The following ATAD2 variants were observed in gnomAD, a reference collection of about 807,000 sequenced individuals.
ATAD2 encodes ATPase family AAA domain containing 2.
In ATAD2, 62 loss-of-function variants were observed where a neutral mutation model predicts 168.9. The ratio of observed to expected loss-of-function variants is 0.37; its 90% CI spans 0.30 to 0.45. ATAD2 has a LOEUF of 0.45. ATAD2 is among the 20% of genes least tolerant of loss of function. The pLI, the probability that ATAD2 is intolerant of heterozygous loss-of-function variation, is 1.00. For missense variants in ATAD2, 1,419 were observed against 1,667.8 expected (o/e 0.85, Z 2.60); for synonymous variants, 613 against 571.6 (o/e 1.07, Z -1.03).
At chr8:123,382,062 A>C (rs1009631684) in intron 1 of ATAD2, among the ~76,000 whole-genome samples, 8 of 152,154 alleles carry the variant, frequency 5.3e-5, no homozygotes, top group African/African-American at 1.9e-4. Flanking sequence ...ACAAACAAAC[A>C]AACCAAAGAT....
At chr8:123,359,168 G>A in intron 11 of ATAD2, 53 bp downstream of exon 11, 1 of 1,347,232 alleles carries the variant, frequency 7.4e-7, no homozygotes, top group Non-Finnish European at 1.0e-6. Context: ...AGAACTACAA[G>A]AAGCAAGAAT....
chr8:123,380,896 T>C (rs1257884834), intron 1 of ATAD2: 24 of 509,110 alleles, frequency 4.7e-5, no homozygotes, highest in Non-Finnish European at 7.6e-5. Flanking sequence ...TAAGATTTAC[T>C]GGTTTATAGT....
Position 123,320,056 on chromosome 8 carries a change from G to T in ATAD2, c.*1078C>A, listed in dbSNP as rs1827426653. On this transcript the variant is annotated 3_prime_UTR_variant, in exon 28 of 28. Coordinates refer to ENST00000287394, the MANE Select transcript of ATAD2 (RefSeq NM_014109.4). ...ACATAAGATAGTATGTACTAATTAA[G>T]GTATTGAATTCACTGGGTTTTAGAA... 1 of 151,924 alleles carries T rather than the reference G, an allele frequency of 6.6e-6. No homozygotes were observed. Among genetic ancestry groups the T allele is most frequent in the African/African-American group, 2.4e-5 (1 of 41,358 alleles). 9.4% of individuals were successfully genotyped at this position (151,924 alleles called of 1,614,324 possible).
upstream of ATAD2, chr8:123,401,056 C>T (rs532404748): frequency 1.9e-4 from 298 of 1,572,054 alleles, no homozygotes; most frequent in Non-Finnish European, 2.2e-4. Context: ...CGTCACTTCC[C>T]GAGACATCGA....
intron 24 of ATAD2, among the ~76,000 whole-genome samples, chr8:123,332,845 C>CAT (rs926792665): frequency 1.9e-4 from 7 of 36,044 alleles, no homozygotes; most frequent in African/African-American, 2.5e-4. Flanking sequence ...AGCCAATTTC[C>CAT]ATATATATAT....
chr8:123,326,600 C>T (rs1002600600), intron 25 of ATAD2, among the ~76,000 whole-genome samples: 1 of 151,970 alleles, frequency 6.6e-6, no homozygotes, highest in South Asian at 2.1e-4. Context: ...ATCGTTTGAG[C>T]CGAGGAGGCA....
In ATAD2 at chr8:123,334,207, C is replaced by T; in HGVS notation, c.3327G>A (p.Lys1109=). The T allele has an allele frequency of 6.3e-7, 1 of 1,581,722 alleles. No homozygotes were observed. The highest frequency in any genetic ancestry group is 1.2e-5 in the South Asian group (1 of 84,424). ...ACCAAATCACTTTCCTACCTCTTTTCTTTCTAGATTCCTGAATTTCTTCAC... is the reference window on the plus strand; with the variant it reads ...ACCAAATCACTTTCCTACCTCTTTTTTTTCTAGATTCCTGAATTTCTTCAC... ...QLCEEIQESR[K]KRGCSSSKYA... Residue 1109 remains lysine (K), a synonymous_variant, in exon 23 of 28, where the codon AAG becomes AAA. Transcript: ENST00000287394.
chr8:123,378,960 T>C (rs1220591001), intron 2 of ATAD2, among the ~76,000 whole-genome samples: 5 of 151,772 alleles, frequency 3.3e-5, no homozygotes, highest in South Asian at 4.1e-4. Flanking sequence ...CCCAGATAAT[T>C]TTTTTATTTT....
intron 24 of ATAD2, among the ~76,000 whole-genome samples, chr8:123,331,460 A>T (rs1425152503): frequency 6.7e-6 from 1 of 149,236 alleles, no homozygotes; most frequent in Non-Finnish European, 1.5e-5. Flanking sequence ...GGCTTGTCTC[A>T]AACTCTTGAT....
intron 1 of ATAD2, among the ~76,000 whole-genome samples, chr8:123,408,878 A>T (rs1184140421): frequency 1.4e-5 from 2 of 147,678 alleles, no homozygotes; most frequent in East Asian, 4.0e-4. Flanking sequence ...CCCAGGCTGT[A>T]GTGCAGTGGC....
intron 11 of ATAD2, among the ~76,000 whole-genome samples, chr8:123,358,292 TG>T (rs1828709030): frequency 6.6e-6 from 1 of 152,140 alleles, no homozygotes; most frequent in Non-Finnish European, 1.5e-5. Context: ...GCAATCTTCC[TG>T]TCTTAGTCTC....
intron 22 of ATAD2, among the ~76,000 whole-genome samples, chr8:123,335,967 G>A (rs1172906750): frequency 6.6e-6 from 1 of 151,874 alleles, no homozygotes; most frequent in Non-Finnish European, 1.5e-5. Context: ...ATATTATATT[G>A]CTTTTGTAAT....
chr8:123,390,781 C>A (rs1227189713), intron 1 of ATAD2, among the ~76,000 whole-genome samples: 1 of 152,094 alleles, frequency 6.6e-6, no homozygotes, highest in African/African-American at 2.4e-5. Context: ...GCCTGTAATC[C>A]CAGACTTTGG....
intron 1 of ATAD2, among the ~76,000 whole-genome samples, chr8:123,408,819 G>A (rs926340877): frequency 6.6e-6 from 1 of 150,602 alleles, no homozygotes; most frequent in African/African-American, 2.4e-5. Flanking sequence ...GCCCGGCCTG[G>A]AAGATATATT....
At chr8:123,332,005 G>A (rs897506361) in intron 24 of ATAD2, among the ~76,000 whole-genome samples, 7 of 152,150 alleles carry the variant, frequency 4.6e-5, no homozygotes, top group Non-Finnish European at 7.3e-5. Flanking sequence ...TCTCTTGACT[G>A]CAAATGGTGC....
upstream of ATAD2, chr8:123,400,920 C>T (rs1812987531): frequency 7.2e-7 from 1 of 1,397,998 alleles, no homozygotes; most frequent in African/African-American, 1.4e-5. This position sits in a 1 kb window ranked among gnomAD's most constrained non-coding sequence, Gnocchi z 4.5. Context: ...ATGGCTTCAT[C>T]ACGGACCCCA....
At position 123,369,957 on chromosome 8, in the gene ATAD2, A is replaced by G. The variant is rs1245743490; in HGVS notation, c.795T>C (p.Asp265=). The change falls in exon 7 of 28, where the codon GAT becomes GAC. Residue 265 remains aspartate (D), a synonymous_variant. Transcript: ENST00000287394. Reference sequence around the variant, plus strand: ...CATCATCATCATCGTCATCATCATCATCATCTTCATCATCTTCATCTTCAC... The same window carrying G: ...CATCATCATCATCGTCATCATCATCGTCATCTTCATCATCTTCATCTTCAC... ...DDGEDEDDED[D]DDDDDDDDDD... 1.3e-6 allele frequency: 2 copies of G among 1,563,206 alleles called. No individual in the cohort carries two copies. The highest frequency in any genetic ancestry group is 1.8e-6 in the Non-Finnish European group (2 of 1,136,742).
rs1432732835 is a variant in ATAD2, at chr8:123,396,378, G to A, written c.-21C>T. The A allele has an allele frequency of 3.2e-6, 5 of 1,548,386 alleles. No individual in the cohort carries two copies. Among genetic ancestry groups the A allele is most frequent in the Non-Finnish European group, 4.4e-6 (5 of 1,147,946 alleles). On this transcript the variant is annotated 5_prime_UTR_variant, in exon 1 of 28. Transcript: ENST00000287394. The stretch of plus-strand genomic sequence containing the variant: ...ACCATCTTCTCTCCCTACTGGCCTC[G>A]GCGTGCGCGACCGGAGAGAGATCCA...
At chr8:123,377,276 A>G (rs935953246) in intron 2 of ATAD2, among the ~76,000 whole-genome samples, 8 of 151,862 alleles carry the variant, frequency 5.3e-5, no homozygotes, top group African/African-American at 1.9e-4. Flanking sequence ...TCTCAAAAAG[A>G]AAAAAAGAAT....
Sources: allele counts gnomAD v4.1 joint callset (sites outside exome capture counted in the v4.1 genomes callset), GRCh38; gene constraint gnomAD v4.1.1; non-coding constraint Gnocchi (gnomAD v3.1); transcripts MANE v1.5; gene names NCBI Gene and HGNC (gene_info 2026-07-23, HGNC 2026-07-21).